The following GJD3 variants were observed in gnomAD, a reference collection of about 807,000 sequenced individuals.
The protein encoded by GJD3 is gap junction protein delta 3, also known as gap junction delta-3 protein.
For missense variants in GJD3, 421 were observed against 448.5 expected (o/e 0.94, Z 0.55); for synonymous variants, 217 against 226.7 (o/e 0.96, Z 0.38).
Position 40,363,527 on chromosome 17 carries a change from T to C in GJD3, c.289A>G (p.Met97Val). The C allele has an allele frequency of 6.4e-7, 1 of 1,563,158 alleles. No homozygotes were observed. Among genetic ancestry groups the C allele is most frequent in the Middle Eastern group, 1.7e-4 (1 of 5,972 alleles). The change falls in exon 1 of 1, where the codon ATG becomes GTG. Residue 97 changes from methionine (M) to valine (V), a missense_variant. Transcript: ENST00000578689. The surrounding 1 kb of genome is among the most constrained non-coding windows in gnomAD (Gnocchi z 5.5). The stretch of plus-strand genomic sequence containing the variant: ...CCCGCCTCCTTGCCTGCCCGGTGCA[T>C]GGAGTAGACGACGAACAGCACCGGG... The part of the protein sequence containing the change: ...APPVLFVVYS[M>V]HRAGKEAGGA...
chr17:40,363,460 T>C lies in GJD3; in HGVS notation c.356A>G (p.Glu119Gly). 6.7e-7 allele frequency: 1 copy of C among 1,487,180 alleles called. No individual in the cohort carries two copies. Among genetic ancestry groups the C allele is most frequent in the African/African-American group, 1.4e-5 (1 of 69,518 alleles). The allele number at this position is 1,487,180 out of a possible 1,614,324, so 92.1% of individuals were successfully genotyped here. Residue 119 changes from glutamate (E) to glycine (G), a missense_variant, in exon 1 of 1, where the codon GAG becomes GGG. Glu to Gly is a moderately conservative substitution (Grantham distance 98). Coordinates refer to ENST00000578689, the MANE Select transcript of GJD3 (RefSeq NM_152219.4). This position sits in a 1 kb window ranked among gnomAD's most constrained non-coding sequence, Gnocchi z 5.5. ...CAGGGCGCACGGCGCGCACTGGGCC[T>C]CGGGCAGTCCGGGGGCGCACTGCGC... ...AAAQCAPGLP[E>G]AQCAPCALRA...
rs2034770972 is a variant in GJD3, at chr17:40,363,386, G to C, written c.430C>G (p.Leu144Val). Residue 144 changes from leucine to valine, a missense_variant, in exon 1 of 1, where the codon CTG becomes GTG. Leu to Val is a conservative substitution (Grantham distance 32). Transcript: ENST00000578689. The surrounding 1 kb of genome is among the most constrained non-coding windows in gnomAD (Gnocchi z 5.5). Reference sequence around the variant, plus strand: ...CCCAGGAAGGTCAGCTCGGCCAGCAGGCGCAGCGCCACGCTCAGCAGGTAG... The same window carrying C: ...CCCAGGAAGGTCAGCTCGGCCAGCACGCGCAGCGCCACGCTCAGCAGGTAG... ...RCYLLSVALR[L>V]LAELTFLGGQ... is the part of the protein sequence containing the mutation. The C allele has an allele frequency of 7.2e-7, 1 of 1,392,960 alleles. No homozygotes were observed. Among genetic ancestry groups the C allele is most frequent in the African/African-American group, 1.5e-5 (1 of 66,446 alleles). The allele number at this position is 1,392,960 out of a possible 1,614,324, so 86.3% of individuals were successfully genotyped here. A position where few individuals can be genotyped will look rare whatever the true frequency, so the allele number is the denominator to read the frequency against.
rs1032844322 is a variant in GJD3, at chr17:40,360,788, T to C, written c.*2143A>G. The C allele has an allele frequency of 3.1e-5, 9 of 288,610 alleles. No homozygotes were observed. Among genetic ancestry groups the C allele is most frequent in the South Asian group, 2.1e-4 (8 of 38,012 alleles). The allele number at this position is 288,610 out of a possible 1,614,324, so 17.9% of individuals were successfully genotyped here. On this transcript the variant is annotated 3_prime_UTR_variant, in exon 1 of 1. Transcript: ENST00000578689. ...CACACAGTAGGTACCCTACAAATAT[T>C]TGTTGAATGAATACATCTGGAAAAC...
rs2034758768 is a variant in GJD3 at position 40,362,207 on chromosome 17, G to C, written c.*724C>G. 6.6e-6 allele frequency among the ~76,000 whole-genome samples: 1 copy of C among 151,834 alleles called. No individual in the cohort carries two copies. The highest frequency in any genetic ancestry group is 2.1e-4 in the South Asian group (1 of 4,804). On this transcript the variant is annotated 3_prime_UTR_variant, in exon 1 of 1. Transcript: ENST00000578689. Reference sequence around the variant, plus strand: ...CGCCGGATGTACACATGCACACATAGCGCACAAGGATGTTTCTGTGTACAG... The same window carrying C: ...CGCCGGATGTACACATGCACACATACCGCACAAGGATGTTTCTGTGTACAG...
rs920703601 is a variant in GJD3 at position 40,362,823 on chromosome 17, C to G, written c.*108G>C. The G allele has an allele frequency of 2.1e-5, 23 of 1,071,922 alleles. No individual in the cohort carries two copies. The African/African-American group carries it at 3.7e-4, about 17-fold the overall frequency. 66.4% of individuals were successfully genotyped at this position (1,071,922 alleles called of 1,614,324 possible). Reference sequence around the variant, plus strand: ...CCCCACAACGCGTCTCCTGCCGGGGCAGGTCCCGCGACAGCTCTGGTGGAA... The same window carrying G: ...CCCCACAACGCGTCTCCTGCCGGGGGAGGTCCCGCGACAGCTCTGGTGGAA... On this transcript the variant is annotated 3_prime_UTR_variant, in exon 1 of 1. Coordinates refer to ENST00000578689, the MANE Select transcript of GJD3 (RefSeq NM_152219.4).
chr17:40,363,499 C>A lies in GJD3; in HGVS notation c.317G>T (p.Gly106Val). 6.5e-7 allele frequency: 1 copy of A among 1,547,116 alleles called. No individual in the cohort carries two copies. The highest frequency in any genetic ancestry group is 8.7e-7 in the Non-Finnish European group (1 of 1,147,138). ...SMHRAGKEAG[G>V]AEAAAQCAPG... is the part of the protein sequence containing the mutation. ...GGCGCACTGCGCCGCCGCCTCAGCGCCGCCCGCCTCCTTGCCTGCCCGGTG... is the reference window on the plus strand; with the variant it reads ...GGCGCACTGCGCCGCCGCCTCAGCGACGCCCGCCTCCTTGCCTGCCCGGTG... Residue 106 changes from glycine to valine, a missense_variant, in exon 1 of 1, where the codon GGC becomes GTC. Gly to Val is a moderately radical substitution (Grantham distance 109). Coordinates refer to ENST00000578689, the MANE Select transcript of GJD3 (RefSeq NM_152219.4). This position sits in a 1 kb window ranked among gnomAD's most constrained non-coding sequence, Gnocchi z 5.5.
rs1027325419 is a variant in GJD3 at position 40,361,433 on chromosome 17, G to A, written c.*1498C>T. 6.6e-6 allele frequency among the ~76,000 whole-genome samples: 1 copy of A among 152,234 alleles called. No homozygotes were observed. Among genetic ancestry groups the A allele is most frequent in the Non-Finnish European group, 1.5e-5 (1 of 68,046 alleles). On this transcript the variant is annotated 3_prime_UTR_variant, in exon 1 of 1. Coordinates refer to ENST00000578689, the MANE Select transcript of GJD3 (RefSeq NM_152219.4). ...CTATTCAGAAACACCTCCCACTGCT[G>A]TGTGGGGCACAGGAGAGCTGAGAAA...
In GJD3 at chr17:40,363,372, C is replaced by G; in HGVS notation, c.444G>C (p.Leu148=). ...LSVALRLLAE[L]TFLGGQALLY... ...GCAGCGCCTGGCCGCCCAGGAAGGTCAGCTCGGCCAGCAGGCGCAGCGCCA... is the reference window on the plus strand; with the variant it reads ...GCAGCGCCTGGCCGCCCAGGAAGGTGAGCTCGGCCAGCAGGCGCAGCGCCA... The change falls in exon 1 of 1, where the codon CTG becomes CTC. Residue 148 remains leucine (L), a synonymous_variant. Transcript: ENST00000578689. This position sits in a 1 kb window ranked among gnomAD's most constrained non-coding sequence, Gnocchi z 5.5. 7.1e-7 allele frequency: 1 copy of G among 1,400,874 alleles called. No individual in the cohort carries two copies. The highest frequency in any genetic ancestry group is 9.3e-7 in the Non-Finnish European group (1 of 1,076,386). 86.8% of individuals were successfully genotyped at this position (1,400,874 alleles called of 1,614,324 possible). A position where few individuals can be genotyped will look rare whatever the true frequency, so the allele number is the denominator to read the frequency against.
chr17:40,363,835 G>A lies in GJD3; in HGVS notation c.-20C>T. On this transcript the variant is annotated 5_prime_UTR_variant, in exon 1 of 1. Coordinates refer to ENST00000578689, the MANE Select transcript of GJD3 (RefSeq NM_152219.4). The surrounding 1 kb of genome is among the most constrained non-coding windows in gnomAD (Gnocchi z 5.5). ...CCCCATGGCGCTGGGGACGCGGGGC[G>A]GGGAGTCAGGGGATGGGGCAAGTCA... is the stretch of plus-strand genomic sequence containing the variant. 2 of 1,563,206 alleles carry A rather than the reference G, an allele frequency of 1.3e-6. No homozygotes were observed. Among genetic ancestry groups the A allele is most frequent in the African/African-American group, 1.3e-5 (1 of 74,260 alleles).
At position 40,363,576 on chromosome 17, in the gene GJD3, G is replaced by A. The variant is rs769789156; in HGVS notation, c.240C>T (p.Phe80=). 2.2e-5 allele frequency: 35 copies of A among 1,595,502 alleles called. No individual in the cohort carries two copies. The highest frequency in any genetic ancestry group is 2.9e-5 in the Non-Finnish European group (34 of 1,171,816). Reference sequence around the variant, plus strand: ...GGGGCGCCGAGAGCAGCAGGATGTGGAAGAGCCAGAAGCGGTAGTGGGAGA... The same window carrying A: ...GGGGCGCCGAGAGCAGCAGGATGTGAAAGAGCCAGAAGCGGTAGTGGGAGA... ...FPVSHYRFWL[F]HILLLSAPPV... Residue 80 remains phenylalanine (F), a synonymous_variant, in exon 1 of 1, where the codon TTC becomes TTT. Coordinates refer to ENST00000578689, the MANE Select transcript of GJD3 (RefSeq NM_152219.4). This position sits in a 1 kb window ranked among gnomAD's most constrained non-coding sequence, Gnocchi z 5.5.
rs760251228 is a variant in GJD3, at chr17:40,363,122, C to A, written c.694G>T (p.Glu232Ter). The A allele has an allele frequency of 9.7e-6, 13 of 1,346,780 alleles. No homozygotes were observed. In the South Asian group the frequency reaches 2.3e-4, roughly 24 times the overall value. 83.4% of individuals were successfully genotyped at this position (1,346,780 alleles called of 1,614,324 possible). A position where few individuals can be genotyped will look rare whatever the true frequency, so the allele number is the denominator to read the frequency against. Residue 232 changes from glutamate to a stop codon, truncating the protein, a stop_gained, in exon 1 of 1, where the codon GAA becomes TAA. Transcript: ENST00000578689. LOFTEE classifies it low-confidence loss of function (END_TRUNC). This position sits in a 1 kb window ranked among gnomAD's most constrained non-coding sequence, Gnocchi z 5.5. ...ERDNRCNRAH[E>*]EAQKLLPPPP... ...GGCGGGAGCAGCTTCTGCGCCTCTT[C>A]GTGTGCACGGTTGCAGCGGTTGTCA... is the stretch of plus-strand genomic sequence containing the variant.
chr17:40,363,100 GGGAGCA>G lies in GJD3; in HGVS notation c.710_715del (p.Leu237_Leu238del), dbSNP rs935469016. The G allele has an allele frequency of 3.9e-6, 5 of 1,282,018 alleles. No individual in the cohort carries two copies. The African/African-American group carries it at 7.7e-5, about 20-fold the overall frequency. 79.4% of individuals were successfully genotyped at this position (1,282,018 alleles called of 1,614,324 possible). On this transcript the variant is annotated inframe_deletion, in exon 1 of 1. Transcript: ENST00000578689. The surrounding 1 kb of genome is among the most constrained non-coding windows in gnomAD (Gnocchi z 5.5). Reference sequence around the variant, plus strand: ...TGGCGGAGGTGGCGGCGGCGGCGGCGGGAGCAGCTTCTGCGCCTCTTCGTGTGCACG... The same window carrying G: ...TGGCGGAGGTGGCGGCGGCGGCGGCGGCTTCTGCGCCTCTTCGTGTGCACG...
At position 40,361,919 on chromosome 17, in the gene GJD3, C is replaced by T. The variant is rs5019478; in HGVS notation, c.*1012G>A. On this transcript the variant is annotated 3_prime_UTR_variant, in exon 1 of 1. Coordinates refer to ENST00000578689, the MANE Select transcript of GJD3 (RefSeq NM_152219.4). Reference sequence around the variant, plus strand: ...CCATGAAAGCGCCCAGCCCCCGCCTCGCCACAAGGGGTACTGTGAGGATGT... The same window carrying T: ...CCATGAAAGCGCCCAGCCCCCGCCTTGCCACAAGGGGTACTGTGAGGATGT... 0.085 allele frequency among the ~76,000 whole-genome samples: 12,799 copies of T among 150,886 alleles called. 1,318 individuals are homozygous for T. The highest frequency in any genetic ancestry group is 0.24 in the African/African-American group (9,980 of 40,744).
rs1448496490 is a variant in GJD3 at position 40,364,251 on chromosome 17, ACC to A, written c.-438_-437del. ...TGCTGTGGGAAGAGTGGAGCCTCGA[ACC>A]CGAGACGCTAGACCCAATTTGGTGC... is the stretch of plus-strand genomic sequence containing the variant. On this transcript the variant is annotated 5_prime_UTR_variant, in exon 1 of 1. It introduces an in-frame stop codon into an upstream open reading frame of the 5' UTR. Transcript: ENST00000578689. 5.6e-6 allele frequency: 1 copy of A among 178,174 alleles called. No homozygotes were observed. The highest frequency in any genetic ancestry group is 1.3e-5 in the Non-Finnish European group (1 of 74,638). The allele number at this position is 178,174 out of a possible 1,614,324, so 11.0% of individuals were successfully genotyped here. A position where few individuals can be genotyped will look rare whatever the true frequency, so the allele number is the denominator to read the frequency against.
chr17:40,363,433 C>G lies in GJD3; in HGVS notation c.383G>C (p.Arg128Pro), dbSNP rs2034771841. The stretch of plus-strand genomic sequence containing the variant: ...GTAGCAGCGGCGCGCGCGGCGGGCG[C>G]GCAGGGCGCACGGCGCGCACTGGGC... ...PEAQCAPCAL[R>P]ARRARRCYLL... The change falls in exon 1 of 1, where the codon CGC (arginine) becomes CCC (proline). Residue 128 changes from arginine (R) to proline (P), a missense_variant. Transcript: ENST00000578689. This position sits in a 1 kb window ranked among gnomAD's most constrained non-coding sequence, Gnocchi z 5.5. 5 of 1,311,268 alleles carry G rather than the reference C, an allele frequency of 3.8e-6. No individual in the cohort carries two copies. In the South Asian group the frequency reaches 6.7e-5, roughly 18 times the overall value. 81.2% of individuals were successfully genotyped at this position (1,311,268 alleles called of 1,614,324 possible). A position where few individuals can be genotyped will look rare whatever the true frequency, so the allele number is the denominator to read the frequency against.
chr17:40,363,156 G>A lies in GJD3; in HGVS notation c.660C>T (p.Ala220=). ...GGTTGCAGCGGTTGTCACGCTCCCC[G>A]GCGCGCGGGCGGCCCTTCCAGAGCA... is the stretch of plus-strand genomic sequence containing the variant. The part of the protein sequence containing the change: ...GHLLWKGRPR[A]GERDNRCNRA... Residue 220 remains alanine, a synonymous_variant, in exon 1 of 1, where the codon GCC becomes GCT. Coordinates refer to ENST00000578689, the MANE Select transcript of GJD3 (RefSeq NM_152219.4). The surrounding 1 kb of genome is among the most constrained non-coding windows in gnomAD (Gnocchi z 5.5). The A allele has an allele frequency of 1.4e-6, 2 of 1,417,750 alleles. No individual in the cohort carries two copies. The highest frequency in any genetic ancestry group is 6.1e-5 in the East Asian group (2 of 32,814). The allele number at this position is 1,417,750 out of a possible 1,614,324, so 87.8% of individuals were successfully genotyped here.
Position 40,363,084 on chromosome 17 carries a change from TGGCGGC to T in GJD3, c.726_731del (p.Pro247_Pro248del). ...GGGAGGGCAGGGCCGGTGGCGGAGG[TGGCGGC>T]GGCGGCGGCGGGAGCAGCTTCTGCG... On this transcript the variant is annotated inframe_deletion, in exon 1 of 1. Transcript: ENST00000578689. This position sits in a 1 kb window ranked among gnomAD's most constrained non-coding sequence, Gnocchi z 5.5. The T allele has an allele frequency of 4.0e-6, 5 of 1,261,956 alleles. No individual in the cohort carries two copies. Among genetic ancestry groups the T allele is most frequent in the Non-Finnish European group, 3.0e-6 (3 of 1,001,916 alleles). 78.2% of individuals were successfully genotyped at this position (1,261,956 alleles called of 1,614,324 possible).
At position 40,363,901 on chromosome 17, in the gene GJD3, T is replaced by C; in HGVS notation, c.-86A>G. 2.7e-6 allele frequency: 4 copies of C among 1,472,692 alleles called. No individual in the cohort carries two copies. The highest frequency in any genetic ancestry group is 3.6e-6 in the Non-Finnish European group (4 of 1,107,436). 91.2% of individuals were successfully genotyped at this position (1,472,692 alleles called of 1,614,324 possible). A position where few individuals can be genotyped will look rare whatever the true frequency, so the allele number is the denominator to read the frequency against. ...TCCAAGCCTATCGGGGTGGGGTCCG[T>C]TGGACCTTCTCTGACTTCAGGGTGA... On this transcript the variant is annotated 5_prime_UTR_variant, in exon 1 of 1. Coordinates refer to ENST00000578689, the MANE Select transcript of GJD3 (RefSeq NM_152219.4). This position sits in a 1 kb window ranked among gnomAD's most constrained non-coding sequence, Gnocchi z 5.5.
Position 40,363,445 on chromosome 17 carries a change from G to A in GJD3, c.371C>T (p.Pro124Leu). 1 of 1,337,976 alleles carries A rather than the reference G, an allele frequency of 7.5e-7. No individual in the cohort carries two copies. Among genetic ancestry groups the A allele is most frequent in the Non-Finnish European group, 9.5e-7 (1 of 1,049,064 alleles). 82.9% of individuals were successfully genotyped at this position (1,337,976 alleles called of 1,614,324 possible). A position where few individuals can be genotyped will look rare whatever the true frequency, so the allele number is the denominator to read the frequency against. Reference sequence around the variant, plus strand: ...CGCGCGGCGGGCGCGCAGGGCGCACGGCGCGCACTGGGCCTCGGGCAGTCC... The same window carrying A: ...CGCGCGGCGGGCGCGCAGGGCGCACAGCGCGCACTGGGCCTCGGGCAGTCC... ...APGLPEAQCA[P>L]CALRARRARR... Residue 124 changes from proline to leucine, a missense_variant, in exon 1 of 1, where the codon CCG becomes CTG. Coordinates refer to ENST00000578689, the MANE Select transcript of GJD3 (RefSeq NM_152219.4). The surrounding 1 kb of genome is among the most constrained non-coding windows in gnomAD (Gnocchi z 5.5).
Sources: gnomAD v4.1 joint callset for allele counts (sites outside exome capture counted in the v4.1 genomes callset) on GRCh38, gnomAD v4.1.1 for gene constraint, Gnocchi (gnomAD v3.1) non-coding constraint, MANE v1.5 for transcripts, NCBI Gene and HGNC (gene_info 2026-07-23, HGNC 2026-07-21) for gene names.